Variants in SEC31A observed in about 807,000 individuals in gnomAD.
SEC31A encodes SEC31 homolog A, COPII component.
Under a neutral mutation model 151.0 loss-of-function variants are expected in SEC31A, and 70 were observed. The ratio of observed to expected loss-of-function variants is 0.46; its 90% confidence interval spans 0.38 to 0.57. The LOEUF is 0.57. SEC31A is among the 20% of genes least tolerant of loss of function. SEC31A has a pLI of 0.00. For missense variants in SEC31A, 1,330 were observed against 1,471.2 expected (o/e 0.90, Z 1.57); for synonymous variants, 475 against 505.9 (o/e 0.94, Z 0.82).
At chr4:82,857,590 AC>A (rs2149427649) in intron 15 of SEC31A, 98 bp downstream of exon 15, 1 of 787,062 alleles carries the variant, frequency 1.3e-6, no homozygotes, top group Non-Finnish European at 2.1e-6. Flanking sequence ...ATAAGCATGC[AC>A]CACAGCACCT....
At position 82,854,930 on chromosome 4, in the gene SEC31A, T is replaced by C. The variant is rs1468191737; in HGVS notation, c.1981A>G (p.Lys661Glu). The C allele has an allele frequency of 3.7e-6, 6 of 1,613,136 alleles. No homozygotes were observed. Among genetic ancestry groups the C allele is most frequent in the Non-Finnish European group, 4.2e-6 (5 of 1,179,740 alleles). Residue 661 changes from lysine (K) to glutamate (E), a missense_variant, in exon 17 of 27, where the codon AAG becomes GAG. Lys to Glu is a moderately conservative substitution (Grantham distance 56). Coordinates refer to ENST00000395310, the MANE Select transcript of SEC31A (RefSeq NM_001077207.4). ...CAAAGGGCTGAAAATTCATCCGGCT[T>C]TGCATAAGTCAATACTGCAGCTAAA... ...EALAAVLTYA[K>E]PDEFSALCDL...
intron 17 of SEC31A, among the ~76,000 whole-genome samples, chr4:82,854,334 G>T (rs916070578): frequency 1.4e-5 from 2 of 144,278 alleles, no homozygotes; most frequent in African/African-American, 2.6e-5. Flanking sequence ...TCGCACTCCA[G>T]CCTGGGCAAT....
At chr4:82,854,709 AT>A (rs1457418810) in intron 17 of SEC31A, among the ~76,000 whole-genome samples, 193 bp downstream of exon 17, 8 of 116,310 alleles carry the variant, frequency 6.9e-5, no homozygotes, top group Non-Finnish European at 1.7e-4. Context: ...TCACTAGTAG[AT>A]TTAAAAAAAA....
In SEC31A at chr4:82,880,841, G is replaced by A. The variant is rs1739120008; in HGVS notation, c.161C>T (p.Ser54Phe). Residue 54 changes from serine to phenylalanine, a missense_variant, in exon 3 of 27, where the codon TCC becomes TTC. Physicochemically the swap from Ser to Phe is radical, Grantham distance 155 (BLOSUM62 -2). Transcript: ENST00000395310. ...TGTGGCACAAGATTTCATATCCAAGGATGGATCAGAGAGGTCTAATTCAAA... is the reference window on the plus strand; with the variant it reads ...TGTGGCACAAGATTTCATATCCAAGAATGGATCAGAGAGGTCTAATTCAAA... ...EIFELDLSDP[S>F]LDMKSCATFS... is the part of the protein sequence containing the mutation. The A allele has an allele frequency of 6.2e-7, 1 of 1,612,578 alleles. No homozygotes were observed. Among genetic ancestry groups the A allele is most frequent in the Non-Finnish European group, 8.5e-7 (1 of 1,178,802 alleles).
At chr4:82,875,570 CAT>C (rs1445315962) in intron 5 of SEC31A, among the ~76,000 whole-genome samples, 155 bp downstream of exon 5, 1 of 152,118 alleles carries the variant, frequency 6.6e-6, no homozygotes, top group East Asian at 1.9e-4. Flanking sequence ...TTTGAAGAAA[CAT>C]ATTTATTAAT....
chr4:82,845,882 C>A (rs931430897), intron 20 of SEC31A, among the ~76,000 whole-genome samples: 1 of 152,100 alleles, frequency 6.6e-6, no homozygotes, highest in Non-Finnish European at 1.5e-5. Context: ...AACCAAGGCC[C>A]AGAGAAGTGA....
At chr4:82,891,027 T>C in intron 1 of SEC31A, 61 bp downstream of exon 1, 1 of 1,533,236 alleles carries the variant, frequency 6.5e-7, no homozygotes, top group East Asian at 2.5e-5. Flanking sequence ...AGTTTTGGCC[T>C]GGGCTCTACC....
chr4:82,865,971 T>C (rs1735275016), intron 10 of SEC31A, among the ~76,000 whole-genome samples: 1 of 151,736 alleles, frequency 6.6e-6, no homozygotes, highest in Admixed American at 6.6e-5. Flanking sequence ...TTTTTACAAT[T>C]AAAATTTTAT....
chr4:82,885,628 C>G, intron 1 of SEC31A, among the ~76,000 whole-genome samples: 1 of 152,190 alleles, frequency 6.6e-6, no homozygotes, highest in East Asian at 1.9e-4. Context: ...CTTCTACTAA[C>G]TGATCTGTCA....
intron 1 of SEC31A, among the ~76,000 whole-genome samples, chr4:82,886,684 T>C (rs1740787930): frequency 6.6e-6 from 1 of 152,220 alleles, no homozygotes; most frequent in Non-Finnish European, 1.5e-5. Flanking sequence ...AGCTCCTCCA[T>C]GAAAACTGCC....
At chr4:82,853,093 G>A (rs544396533) in intron 18 of SEC31A, among the ~76,000 whole-genome samples, 1 of 152,238 alleles carries the variant, frequency 6.6e-6, no homozygotes, top group East Asian at 1.9e-4. Context: ...AGAGGCCACA[G>A]AAGGGTACTG....
chr4:82,870,303 G>A (rs368886374), intron 8 of SEC31A, 22 bp downstream of exon 8: 245 of 1,574,454 alleles, frequency 1.6e-4, no homozygotes, highest in Admixed American at 4.5e-4. Flanking sequence ...CTACAAGGTT[G>A]AGACACATTT....
chr4:82,875,240 A>G (rs1737640543), intron 5 of SEC31A, among the ~76,000 whole-genome samples: 1 of 152,196 alleles, frequency 6.6e-6, no homozygotes, highest in East Asian at 1.9e-4. Flanking sequence ...GATAGCCTAT[A>G]CAACATAAAG....
In SEC31A at chr4:82,863,397, A is replaced by T. The variant is rs748510744; in HGVS notation, c.1435-5T>A. On this transcript the variant is annotated splice_polypyrimidine_tract_variant and splice_region_variant and intron_variant, in intron 11 of 26. Coordinates refer to ENST00000395310, the MANE Select transcript of SEC31A (RefSeq NM_001077207.4). Reference sequence around the variant, plus strand: ...AGAATCATCCTCAAAGTTTACCTTTAAAAAAAAAGACATATTCTTAAAACA... The same window carrying T: ...AGAATCATCCTCAAAGTTTACCTTTTAAAAAAAAGACATATTCTTAAAACA... 4.8e-6 allele frequency: 7 copies of T among 1,454,868 alleles called. No individual in the cohort carries two copies. The highest frequency in any genetic ancestry group is 3.9e-5 in the South Asian group (3 of 77,102). 90.1% of individuals were successfully genotyped at this position (1,454,868 alleles called of 1,614,324 possible). A position where few individuals can be genotyped will look rare whatever the true frequency, so the allele number is the denominator to read the frequency against.
intron 22 of SEC31A, among the ~76,000 whole-genome samples, chr4:82,841,492 T>C (rs185312736): frequency 2.6e-3 from 220 of 86,236 alleles, no homozygotes; most frequent in African/African-American, 7.0e-3. Context: ...AATACAAAAA[T>C]TAGCTGGGCT....
chr4:82,893,012 T>C (rs1419172551), upstream of SEC31A: 1 of 152,206 alleles, frequency 6.6e-6, no homozygotes, highest in Non-Finnish European at 1.5e-5. Flanking sequence ...ACTAGAAGAA[T>C]GTTTGGAGAG....
chr4:82,852,271 C>T (rs1731614465), intron 18 of SEC31A, among the ~76,000 whole-genome samples: 2 of 152,268 alleles, frequency 1.3e-5, no homozygotes, highest in South Asian at 4.2e-4. Flanking sequence ...ATAAACTACC[C>T]AGTCTTGGGT....
Position 82,869,378 on chromosome 4 carries a change from CCT to C in SEC31A, c.882+945_882+946del, listed in dbSNP as rs1287986723. ...ATCTCCTGACCTCGTGCTCTGCCCG[CCT>C]CAGCCTCCCAAAGTGCTGGGATTAC... On this transcript the variant is annotated intron_variant, in intron 8 of 26. Transcript: ENST00000395310. 1.0e-3 allele frequency among the ~76,000 whole-genome samples: 151 copies of C among 151,372 alleles called. 1 individual carries two copies. The highest frequency in any genetic ancestry group is 3.5e-3 in the African/African-American group (146 of 41,212).
At chr4:82,861,821 A>G (rs914039256) in intron 13 of SEC31A, 113 bp from the exon 14 acceptor site, 13 of 578,886 alleles carry the variant, frequency 2.2e-5, no homozygotes, top group Non-Finnish European at 3.4e-5. Flanking sequence ...TAGTTTAATC[A>G]TAAGAAGCAA....
Sources: gnomAD v4.1 joint callset for allele counts (sites outside exome capture counted in the v4.1 genomes callset) on GRCh38, gnomAD v4.1.1 for gene constraint, MANE v1.5 for transcripts, NCBI Gene and HGNC (gene_info 2026-07-23, HGNC 2026-07-21) for gene names.